CHD9: variants seen among roughly 807,000 people sequenced by gnomAD.
The protein encoded by CHD9 is ATP-dependent chromatin remodeler CHD9.
A neutral mutation model predicts 316.1 loss-of-function variants in CHD9; 77 were observed. The observed-to-expected ratio is 0.24, with a 90% CI of 0.20 to 0.29. The LOEUF (loss-of-function observed/expected upper bound fraction) is 0.29. Among genes scored for constraint, CHD9 ranks in the 10% least tolerant of loss-of-function variants. The pLI is 1.00. For missense variants in CHD9, 2,763 were observed against 3,438.1 expected (o/e 0.80, Z 4.91); for synonymous variants, 1,129 against 1,158.3 (o/e 0.97, Z 0.51).
chr16:53,159,139 A>C (rs1027932484), intron 2 of CHD9, among the ~76,000 whole-genome samples: 3 of 152,090 alleles, frequency 2.0e-5, no homozygotes, highest in Non-Finnish European at 2.9e-5. Flanking sequence ...AAAATTAGCC[A>C]GGTATGATGG....
chr16:53,102,539 C>A (rs901535523), intron 1 of CHD9, among the ~76,000 whole-genome samples: 2 of 151,942 alleles, frequency 1.3e-5, no homozygotes, highest in African/African-American at 4.8e-5. Context: ...CACTCTATAC[C>A]CACAATAAAT....
chr16:53,149,032 T>G (rs555158587), intron 1 of CHD9, among the ~76,000 whole-genome samples: 1 of 152,366 alleles, frequency 6.6e-6, no homozygotes, highest in African/African-American at 2.4e-5. Flanking sequence ...ATTGATTGTG[T>G]GCTATTTAAT....
At position 53,152,901 on chromosome 16, in the gene CHD9, C is replaced by T. The variant is rs2041232073; in HGVS notation, c.-164-3025C>T. Among the ~76,000 whole-genome samples the T allele has an allele frequency of 2.0e-5, 3 of 152,236 alleles. No homozygotes were observed. In the South Asian group the frequency reaches 6.2e-4, roughly 32 times the overall value. On this transcript the variant is annotated intron_variant, in intron 1 of 38. Coordinates refer to ENST00000447540, the MANE Select transcript of CHD9 (RefSeq NM_001308319.2). The stretch of plus-strand genomic sequence containing the variant: ...AAAGAGAAGAGGTTGGAGTCCTCAA[C>T]ATTTGTAGATTGTAGATTGAAATCT...
intron 2 of CHD9, among the ~76,000 whole-genome samples, chr16:53,180,721 G>A (rs2043437521): frequency 6.6e-6 from 1 of 151,890 alleles, no homozygotes; most frequent in South Asian, 2.1e-4. Context: ...CGCCCAGGCT[G>A]GAGTGCAGTG....
intron 2 of CHD9, among the ~76,000 whole-genome samples, chr16:53,166,050 T>A (rs1190254475): frequency 1.3e-5 from 2 of 152,176 alleles, no homozygotes; most frequent in East Asian, 3.8e-4. Context: ...ATAGAAATTC[T>A]GTCTAGGAAT....
At chr16:53,110,751 C>T (rs2037801775) in intron 1 of CHD9, among the ~76,000 whole-genome samples, 1 of 152,146 alleles carries the variant, frequency 6.6e-6, no homozygotes, top group African/African-American at 2.4e-5. Context: ...GATGGTGAGA[C>T]TCCATCTCAA....
At chr16:53,279,714 G>C (rs1220033880) in intron 24 of CHD9, among the ~76,000 whole-genome samples, 1 of 152,020 alleles carries the variant, frequency 6.6e-6, no homozygotes, top group Non-Finnish European at 1.5e-5. Flanking sequence ...ATGGCAAAAG[G>C]AACAGTCAGC....
chr16:53,324,376 G>A lies in CHD9; in HGVS notation c.8175G>A (p.Leu2725=). 6.2e-7 allele frequency: 1 copy of A among 1,613,960 alleles called. No homozygotes were observed. Among genetic ancestry groups the A allele is most frequent in the Non-Finnish European group, 8.5e-7 (1 of 1,179,876 alleles). ...GAATGGCTGGATTACCAAATCTGTT[G>A]GGCATGGGAGGACTCCTGACAAAGC... ...LSGMAGLPNL[L]GMGGLLTKPT... The change falls in exon 39 of 39, where the codon TTG becomes TTA. Residue 2725 remains leucine, a synonymous_variant. Coordinates refer to ENST00000447540, the MANE Select transcript of CHD9 (RefSeq NM_001308319.2).
chr16:53,311,387 G>T (rs2153095956), intron 34 of CHD9: 1 of 152,162 alleles, frequency 6.6e-6, no homozygotes, highest in South Asian at 2.1e-4. Context: ...TGACATGAAG[G>T]GTGTGGGGAT....
intron 1 of CHD9, among the ~76,000 whole-genome samples, chr16:53,115,355 C>T (rs537272843): frequency 3.7e-4 from 57 of 152,298 alleles, no homozygotes; most frequent in African/African-American, 1.3e-3. Flanking sequence ...GCTTTTAAAA[C>T]GTAATGCTTC....
chr16:53,147,012 T>G (rs1055088656), intron 1 of CHD9, among the ~76,000 whole-genome samples: 1 of 152,190 alleles, frequency 6.6e-6, no homozygotes, highest in African/African-American at 2.4e-5. Context: ...GAATAAATAC[T>G]TATTATCTGA....
intron 2 of CHD9, among the ~76,000 whole-genome samples, chr16:53,167,648 A>G (rs972384540): frequency 1.3e-5 from 2 of 152,098 alleles, no homozygotes; most frequent in Non-Finnish European, 2.9e-5. Flanking sequence ...GACAATCTGT[A>G]ATTATTTGAT....
intron 12 of CHD9, among the ~76,000 whole-genome samples, chr16:53,242,258 TCTAA>T (rs538860068): frequency 6.6e-6 from 1 of 152,212 alleles, no homozygotes; most frequent in African/African-American, 2.4e-5. Flanking sequence ...AGCCCTTATC[TCTAA>T]CTTACTTTTT....
chr16:53,271,288 G>T (rs1424833805), intron 22 of CHD9, among the ~76,000 whole-genome samples: 2 of 152,054 alleles, frequency 1.3e-5, no homozygotes, highest in Non-Finnish European at 2.9e-5. Flanking sequence ...AAAACCATTG[G>T]CTGGGCACGG....
At chr16:53,116,583 G>T (rs2038324816) in intron 1 of CHD9, among the ~76,000 whole-genome samples, 2 of 152,170 alleles carry the variant, frequency 1.3e-5, no homozygotes, top group Non-Finnish European at 2.9e-5. Context: ...AACAGATGCT[G>T]GTGAGGCTGT....
chr16:53,065,353 G>GC (rs2033395531), intron 1 of CHD9, among the ~76,000 whole-genome samples: 1 of 151,900 alleles, frequency 6.6e-6, no homozygotes, highest in African/African-American at 2.4e-5. Flanking sequence ...GAGTATTCTG[G>GC]CCCTGTGCGG....
intron 38 of CHD9, among the ~76,000 whole-genome samples, chr16:53,322,650 T>C (rs982506205): frequency 6.6e-6 from 1 of 151,856 alleles, no homozygotes; most frequent in Non-Finnish European, 1.5e-5. Context: ...GTTCACAGTA[T>C]ATTAAAATCA....
chr16:53,117,619 T>C (rs2038417187), intron 1 of CHD9, among the ~76,000 whole-genome samples: 1 of 151,764 alleles, frequency 6.6e-6, no homozygotes, highest in South Asian at 2.1e-4. Flanking sequence ...TTTCACCATA[T>C]TGGCCAGGCT....
At chr16:53,250,161 C>A (rs2050006458) in intron 17 of CHD9, 95 bp downstream of exon 17, 2 of 745,142 alleles carry the variant, frequency 2.7e-6, no homozygotes, top group South Asian at 3.7e-5. Flanking sequence ...TTTATCTGGA[C>A]AAACTAATGT....
Sources: gnomAD v4.1 joint callset for allele counts (sites outside exome capture counted in the v4.1 genomes callset) on GRCh38, gnomAD v4.1.1 for gene constraint, MANE v1.5 for transcripts, NCBI Gene and HGNC (gene_info 2026-07-23, HGNC 2026-07-21) for gene names.